Variants in FGF14 observed in about 807,000 individuals in gnomAD.
FGF14 encodes the protein fibroblast growth factor 14.
A neutral mutation model predicts 25.5 loss-of-function variants in FGF14; 5 were observed. The ratio of observed to expected loss-of-function variants is 0.20; its 90% CI spans 0.10 to 0.41. FGF14 has a LOEUF of 0.41. FGF14 is among the 10% of genes least tolerant of loss of function. FGF14 has a pLI of 1.00. For synonymous variants in FGF14, 138 were observed against 118.3 expected, an observed-to-expected ratio of 1.17 and a Z score of -1.08; for missense variants, 222 against 320.1, an observed-to-expected ratio of 0.69 and a Z score of 2.34.
intron 1 of FGF14, among the ~76,000 whole-genome samples, chr13:102,056,027 A>G (rs2042414612): frequency 6.6e-6 from 1 of 152,182 alleles, no homozygotes; most frequent in African/African-American, 2.4e-5. Context: ...TGATTCAATT[A>G]TCTCCCACTG....
chr13:102,099,156 C>T (rs1170408822), intron 1 of FGF14, among the ~76,000 whole-genome samples: 1 of 152,124 alleles, frequency 6.6e-6, no homozygotes, highest in Non-Finnish European at 1.5e-5. Flanking sequence ...TCCAATTGAC[C>T]ATACACCATA....
intron 1 of FGF14, among the ~76,000 whole-genome samples, chr13:102,151,780 G>A (rs2047097928): frequency 6.6e-6 from 1 of 152,116 alleles, no homozygotes; most frequent in African/African-American, 2.4e-5. Flanking sequence ...TTACAGGCAT[G>A]AGCCACCATA....
chr13:102,278,457 A>G (rs2053652515), intron 1 of FGF14, among the ~76,000 whole-genome samples: 2 of 152,154 alleles, frequency 1.3e-5, no homozygotes, highest in African/African-American at 4.8e-5. Flanking sequence ...AAACTCATGC[A>G]TTTCACCATC....
chr13:101,936,288 C>T (rs1325355716), intron 1 of FGF14, among the ~76,000 whole-genome samples: 1 of 152,154 alleles, frequency 6.6e-6, no homozygotes, highest in Admixed American at 6.5e-5. Flanking sequence ...AAGAATTTCA[C>T]AGTTGATTTA....
chr13:102,355,892 T>C (rs2057406239), intron 1 of FGF14, among the ~76,000 whole-genome samples: 1 of 152,250 alleles, frequency 6.6e-6, no homozygotes. Context: ...TTAGGACTAA[T>C]TCAAGCCTAA....
chr13:101,737,436 CAA>C (rs59322021), intron 3 of FGF14, among the ~76,000 whole-genome samples: 1 of 152,108 alleles, frequency 6.6e-6, no homozygotes, highest in African/African-American at 2.4e-5. Context: ...ATTTGCTGTG[CAA>C]AAAAATGAAG....
chr13:102,087,512 C>T (rs1189712528), intron 1 of FGF14, among the ~76,000 whole-genome samples: 11 of 141,022 alleles, frequency 7.8e-5, no homozygotes, highest in Admixed American at 2.2e-4. Flanking sequence ...CTCTGGTTCC[C>T]GTCATTCTCC....
rs191154965 is a variant in FGF14 at position 102,373,508 on chromosome 13, A to G, written c.208+27963T>C. The G allele has an allele frequency of 1.5e-3, 225 of 152,318 alleles. 3 individuals are homozygous for G. Among genetic ancestry groups the G allele is most frequent in the African/African-American group, 5.0e-3 (207 of 41,586 alleles). The allele number at this position is 152,318 out of a possible 1,614,324, so 9.4% of individuals were successfully genotyped here. On this transcript the variant is annotated intron_variant, in intron 1 of 4. Coordinates refer to the FGF14 transcript ENST00000376131. Reference sequence around the variant, plus strand: ...CATACCAAATAACTTCATTGCTGCTAAAGTAAAATTTGAAAATGATTGAAG... The same window carrying G: ...CATACCAAATAACTTCATTGCTGCTGAAGTAAAATTTGAAAATGATTGAAG...
At chr13:101,956,781 A>AAAAG (rs1450186520) in intron 1 of FGF14, among the ~76,000 whole-genome samples, 6 of 151,326 alleles carry the variant, frequency 4.0e-5, no homozygotes, top group Admixed American at 2.6e-4. Context: ...AAAAAAAAAA[A>AAAAG]AAGAAAAAGT....
chr13:102,043,552 A>G (rs2041842346), intron 1 of FGF14, among the ~76,000 whole-genome samples: 2 of 152,210 alleles, frequency 1.3e-5, no homozygotes, highest in South Asian at 2.1e-4. Context: ...AAATTGGGGT[A>G]TAACTCTAAA....
At chr13:101,797,772 T>TGTGTGTGTGTGTGCGC (rs1555384576) in intron 3 of FGF14, among the ~76,000 whole-genome samples, 1 of 145,556 alleles carries the variant, frequency 6.9e-6, no homozygotes, top group Non-Finnish European at 1.5e-5. Context: ...TGTGTGTGTG[T>TGTGTGTGTGTGTGCGC]GTGTGTGTGT....
chr13:102,361,908 C>A (rs541606765), intron 1 of FGF14, among the ~76,000 whole-genome samples: 1 of 152,036 alleles, frequency 6.6e-6, no homozygotes, highest in Non-Finnish European at 1.5e-5. Context: ...AAAAGCAGTC[C>A]AGGGCTGACA....
At chr13:102,390,818 T>G (rs181696606) in intron 1 of FGF14, among the ~76,000 whole-genome samples, 1 of 152,186 alleles carries the variant, frequency 6.6e-6, no homozygotes, top group African/African-American at 2.4e-5. Flanking sequence ...ATTTTAAAAA[T>G]CTAGTAAGTG....
Position 101,927,778 on chromosome 13 carries a change from TG to T in FGF14, c.209-52483del, listed in dbSNP as rs531829698. ...CATTTCTTTGACTCCTACACACTCC[TG>T]GCTTTCCCAACACACAGCTCCTGAT... On this transcript the variant is annotated intron_variant, in intron 1 of 4. Transcript: ENST00000376131. Among the ~76,000 whole-genome samples, 4 of 152,246 alleles carry T rather than the reference TG, an allele frequency of 2.6e-5. No individual in the cohort carries two copies. In the South Asian group the frequency reaches 8.3e-4, roughly 32 times the overall value.
intron 1 of FGF14, among the ~76,000 whole-genome samples, chr13:102,080,714 T>C (rs1384110256): frequency 1.3e-5 from 2 of 152,236 alleles, no homozygotes; most frequent in East Asian, 1.9e-4. Context: ...CCAGAACTAA[T>C]TGTCAATGTA....
chr13:102,389,538 T>C (rs1595034310), intron 1 of FGF14, among the ~76,000 whole-genome samples: 1 of 152,326 alleles, frequency 6.6e-6, no homozygotes, highest in East Asian at 1.9e-4. Flanking sequence ...CAGACTGTCC[T>C]TGCAAAAATA....
At chr13:101,848,326 T>A (rs924918499) in intron 3 of FGF14, among the ~76,000 whole-genome samples, 4 of 152,024 alleles carry the variant, frequency 2.6e-5, no homozygotes, top group African/African-American at 9.7e-5. Flanking sequence ...ATAAGAGTAA[T>A]CTTATATACC....
chr13:101,931,393 T>C (rs1345236256), intron 1 of FGF14, among the ~76,000 whole-genome samples: 1 of 152,216 alleles, frequency 6.6e-6, no homozygotes, highest in Non-Finnish European at 1.5e-5. Flanking sequence ...TTGCTTTCTT[T>C]GGCACTTCTT....
chr13:101,983,879 C>T (rs1214151685), intron 1 of FGF14, among the ~76,000 whole-genome samples: 2 of 152,184 alleles, frequency 1.3e-5, no homozygotes, highest in Non-Finnish European at 2.9e-5. Context: ...ACTAGCTGGG[C>T]TCCCCCTAGG....
Sources: gnomAD v4.1 joint callset for allele counts (sites outside exome capture counted in the v4.1 genomes callset) on GRCh38, gnomAD v4.1.1 for gene constraint, MANE v1.5 for transcripts, NCBI Gene and HGNC (gene_info 2026-07-23, HGNC 2026-07-21) for gene names.